PREX1: variants seen among roughly 807,000 people sequenced by gnomAD.
PREX1 encodes the protein phosphatidylinositol 3,4,5-trisphosphate-dependent Rac exchanger 1 protein.
PREX1 carries 41 observed loss-of-function variants against 198.3 expected under a neutral mutation model. The ratio of observed to expected loss-of-function variants is 0.21; its 90% confidence interval spans 0.16 to 0.27. PREX1 has a LOEUF of 0.27. Among genes scored for constraint, PREX1 ranks in the 10% least tolerant of loss-of-function variants. PREX1 has a pLI of 1.00. For synonymous variants in PREX1, 843 were observed against 887.2 expected (o/e 0.95, Z 0.89); for missense variants, 1,620 against 2,200.7 (o/e 0.74, Z 5.28).
At chr20:48,741,440 G>A (rs1305138166) in intron 3 of PREX1, among the ~76,000 whole-genome samples, 1 of 152,048 alleles carries the variant, frequency 6.6e-6, no homozygotes, top group African/African-American at 2.4e-5. Context: ...ACTCACTGCA[G>A]CCTCAACCTC....
the PREX1 span, among the ~76,000 whole-genome samples, chr20:48,857,342 T>C: frequency 6.6e-6 from 1 of 152,056 alleles, no homozygotes; most frequent in Admixed American, 6.6e-5. Flanking sequence ...GATAACATAA[T>C]GAGAAAGGTA....
rs138554364 is a variant in PREX1 at position 48,641,310 on chromosome 20, C to T, written c.3775+858G>A. On this transcript the variant is annotated intron_variant, in intron 29 of 39. Transcript: ENST00000371941. ...GCCTAACTGCGGTATAATGATATTT[C>T]GTTGCCGTTGTTTGCATTTAATTTA... 1.3e-3 allele frequency among the ~76,000 whole-genome samples: 198 copies of T among 152,278 alleles called. 1 individual carries two copies. The highest frequency in any genetic ancestry group is 3.7e-3 in the African/African-American group (152 of 41,552).
At chr20:48,722,990 T>G (rs1196324316) in intron 5 of PREX1, among the ~76,000 whole-genome samples, 1 of 152,168 alleles carries the variant, frequency 6.6e-6, no homozygotes, top group Non-Finnish European at 1.5e-5. Context: ...ACCCCAAACC[T>G]GAATCATTCC....
At position 48,701,388 on chromosome 20, in the gene PREX1, T is replaced by G. The variant is rs568481797; in HGVS notation, c.784-502A>C. ...CCACCATGCCCAGCTAATTTTGTAT[T>G]TTTTTAGAAGAGACAGGGTTTCACC... is the stretch of plus-strand genomic sequence containing the variant. On this transcript the variant is annotated intron_variant, in intron 6 of 39. Coordinates refer to ENST00000371941, the MANE Select transcript of PREX1 (RefSeq NM_020820.4). 3.9e-5 allele frequency among the ~76,000 whole-genome samples: 6 copies of G among 152,174 alleles called. No homozygotes were observed. The East Asian group carries it at 1.2e-3, about 29-fold the overall frequency.
At chr20:48,828,049 C>T (rs1161111085), upstream of PREX1, among the ~76,000 whole-genome samples, 1 of 145,188 alleles carries the variant, frequency 6.9e-6, no homozygotes, top group Non-Finnish European at 1.5e-5. Flanking sequence ...GGGGGCCGGG[C>T]GAGGGGCGGG....
intron 1 of PREX1, among the ~76,000 whole-genome samples, chr20:48,775,796 C>T (rs1434624831): frequency 6.6e-6 from 1 of 152,182 alleles, no homozygotes; most frequent in African/African-American, 2.4e-5. Context: ...CCTTGCCTTC[C>T]ACCACGATTT....
intron 21 of PREX1, 50 bp downstream of exon 21, chr20:48,652,536 G>T (rs761021766): frequency 2.6e-6 from 4 of 1,551,544 alleles, no homozygotes; most frequent in Non-Finnish European, 3.5e-6. Context: ...AGCCCCTCCG[G>T]AGTCTCAGTC....
intron 33 of PREX1, among the ~76,000 whole-genome samples, chr20:48,632,900 C>T (rs139950252): frequency 9.2e-5 from 14 of 152,320 alleles, no homozygotes; most frequent in African/African-American, 3.1e-4. Flanking sequence ...GCTTCATCAG[C>T]TCCTAGTTCC....
chr20:48,864,344 G>C, the PREX1 span, among the ~76,000 whole-genome samples: 1 of 152,192 alleles, frequency 6.6e-6, no homozygotes, highest in Non-Finnish European at 1.5e-5. Flanking sequence ...AGAGATGTCC[G>C]TTACTGGGGT....
At chr20:48,699,054 GA>G (rs901890660) in intron 7 of PREX1, among the ~76,000 whole-genome samples, 97 of 152,300 alleles carry the variant, frequency 6.4e-4, no homozygotes, top group African/African-American at 2.2e-3. Context: ...AAGGCTCAGG[GA>G]GGCCCTCTAG....
At chr20:48,726,443 C>G in intron 4 of PREX1, 52 bp from the exon 5 acceptor site, 1 of 1,314,106 alleles carries the variant, frequency 7.6e-7, no homozygotes, top group Non-Finnish European at 1.1e-6. Context: ...AGCACAGGGA[C>G]ATAGCCACCC....
At chr20:48,828,093 C>G (rs1300966096), upstream of PREX1, among the ~76,000 whole-genome samples, 1 of 148,076 alleles carries the variant, frequency 6.8e-6, no homozygotes, top group Non-Finnish European at 1.5e-5. Flanking sequence ...AGACGGCTGG[C>G]CCCCCGCCCC....
chr20:48,754,740 A>G (rs2090149597), intron 1 of PREX1, among the ~76,000 whole-genome samples: 1 of 151,686 alleles, frequency 6.6e-6, no homozygotes, highest in Non-Finnish European at 1.5e-5. Context: ...CACAGCCAAG[A>G]CAAAAGGGGG....
the PREX1 span, among the ~76,000 whole-genome samples, chr20:48,878,059 A>C: frequency 1.3e-5 from 2 of 152,028 alleles, no homozygotes; most frequent in African/African-American, 2.4e-5. Flanking sequence ...CAGTGAGCTC[A>C]GATCACACCA....
chr20:48,679,644 C>A lies in PREX1; in HGVS notation c.1539+7G>T, dbSNP rs1441661756. 1 of 1,599,178 alleles carries A rather than the reference C, an allele frequency of 6.3e-7. No individual in the cohort carries two copies. The highest frequency in any genetic ancestry group is 1.7e-5 in the Admixed American group (1 of 59,994). ...GAGTCAGAGTCACAGGGGCGGAGGGCCCCTACCTTGGACATGATGTCCTCC... is the reference window on the plus strand; with the variant it reads ...GAGTCAGAGTCACAGGGGCGGAGGGACCCTACCTTGGACATGATGTCCTCC... On this transcript the variant is annotated splice_region_variant and intron_variant, in intron 12 of 39. Coordinates refer to ENST00000371941, the MANE Select transcript of PREX1 (RefSeq NM_020820.4).
chr20:48,636,656 G>GC lies in PREX1; in HGVS notation c.3973dup (p.Ala1325GlyfsTer90), dbSNP rs2089367360. The GC allele has an allele frequency of 6.2e-7, 1 of 1,609,052 alleles. No individual in the cohort carries two copies. The highest frequency in any genetic ancestry group is 8.5e-7 in the Non-Finnish European group (1 of 1,178,460). On this transcript the variant is annotated frameshift_variant, in exon 32 of 40. Transcript: ENST00000371941. LOFTEE classifies it high-confidence loss of function. ...GGCCACCAGGGCCTGGCAGAAGATC[G>GC]CGTCTCTGCGCAGCTGCAGCTCCGT... is the stretch of plus-strand genomic sequence containing the variant.
rs1488529404 is a variant in PREX1, at chr20:48,684,545, C to T, written c.1335-3210G>A. On this transcript the variant is annotated intron_variant, in intron 10 of 39. Coordinates refer to ENST00000371941, the MANE Select transcript of PREX1 (RefSeq NM_020820.4). The surrounding 1 kb of genome is among the most constrained non-coding windows in gnomAD (Gnocchi z 4.2). ...CGTCCATAACTGAACAGCATCTAAT[C>T]TCTGCCAAGGGTGAAACCCAAGGCC... Among the ~76,000 whole-genome samples, 1 of 152,266 alleles carries T rather than the reference C, an allele frequency of 6.6e-6. No individual in the cohort carries two copies. The highest frequency in any genetic ancestry group is 1.5e-5 in the Non-Finnish European group (1 of 68,048).
chr20:48,813,422 C>T (rs572211955), intron 1 of PREX1, among the ~76,000 whole-genome samples: 34 of 152,070 alleles, frequency 2.2e-4, no homozygotes, highest in African/African-American at 7.5e-4. Flanking sequence ...TGGGGATGGG[C>T]GAGGAGATGG....
intron 30 of PREX1, among the ~76,000 whole-genome samples, chr20:48,639,436 C>T (rs1305060374): frequency 1.3e-5 from 2 of 152,236 alleles, no homozygotes; most frequent in African/African-American, 2.4e-5. Context: ...CAGGAACTCA[C>T]ACATCCAATG....
Sources: gnomAD v4.1 joint callset for allele counts (sites outside exome capture counted in the v4.1 genomes callset) on GRCh38, gnomAD v4.1.1 for gene constraint, Gnocchi (gnomAD v3.1) non-coding constraint, MANE v1.5 for transcripts, NCBI Gene and HGNC (gene_info 2026-07-23, HGNC 2026-07-21) for gene names.